Variants in CENPV observed in about 807,000 individuals in gnomAD.
CENPV encodes the protein centromere protein V.
CENPV carries 15 observed loss-of-function variants against 26.4 expected under a neutral mutation model. That is an observed-to-expected ratio of 0.57 (90% confidence interval 0.38 to 0.88). The LOEUF is 0.88. Among genes scored for constraint, CENPV ranks in the 40% least tolerant of loss-of-function variants. The pLI is 0.00. For synonymous variants in CENPV, 172 were observed against 165.5 expected (o/e 1.04, Z -0.30); for missense variants, 336 against 376.5 (o/e 0.89, Z 0.89).
chr17:16,349,401 G>A, intron 2 of CENPV: 1 of 986,122 alleles, frequency 1.0e-6, no homozygotes, highest in Non-Finnish European at 1.2e-6. Context: ...CCCAAAGCCA[G>A]AGCCTGTCGT....
intron 3 of CENPV, among the ~76,000 whole-genome samples, chr17:16,345,261 CAA>C (rs1180328905): frequency 9.5e-4 from 43 of 45,314 alleles, no homozygotes; most frequent in African/African-American, 3.0e-3. Context: ...GACTCCGTCT[CAA>C]AAAAAAAAAA....
At chr17:16,347,600 T>G (rs959539358) in intron 3 of CENPV, 1 of 152,124 alleles carries the variant, frequency 6.6e-6, no homozygotes, top group African/African-American at 2.4e-5. Flanking sequence ...CTAAGAGAAT[T>G]GATCCTAAAG....
Position 16,353,363 on chromosome 17 carries a change from GC to G in CENPV, c.73del (p.Ala25ArgfsTer39). ...QKRSGASAAP[A>X]ASAAAALAPS... ...TGCCAAGGCAGCGGCCGCGGAGGCC[GC>G]GGGGGCCGCGGAGGCCCCGGACCGC... On this transcript the variant is annotated frameshift_variant, in exon 1 of 5. Coordinates refer to ENST00000299736, the MANE Select transcript of CENPV (RefSeq NM_181716.3). LOFTEE classifies it high-confidence loss of function. The G allele has an allele frequency of 8.1e-7, 1 of 1,237,118 alleles. No individual in the cohort carries two copies. Among genetic ancestry groups the G allele is most frequent in the South Asian group, 2.7e-5 (1 of 36,906 alleles). 76.6% of individuals were successfully genotyped at this position (1,237,118 alleles called of 1,614,324 possible). A position where few individuals can be genotyped will look rare whatever the true frequency, so the allele number is the denominator to read the frequency against.
chr17:16,342,816 C>T lies in CENPV; in HGVS notation c.*1G>A. 6.2e-7 allele frequency: 1 copy of T among 1,614,056 alleles called. No homozygotes were observed. Among genetic ancestry groups the T allele is most frequent in the South Asian group, 1.1e-5 (1 of 91,072 alleles). On this transcript the variant is annotated 3_prime_UTR_variant, in exon 5 of 5. Transcript: ENST00000299736. Reference sequence around the variant, plus strand: ...CTTTTCAGGGCAGGAGAGGCAGAAGCTCACTCTTTAGACATGTTCTTGATG... The same window carrying T: ...CTTTTCAGGGCAGGAGAGGCAGAAGTTCACTCTTTAGACATGTTCTTGATG...
At chr17:16,350,864 A>G (rs2093225810) in intron 1 of CENPV, 1 of 151,978 alleles carries the variant, frequency 6.6e-6, no homozygotes, top group Non-Finnish European at 1.5e-5. Context: ...AGGCTCTTAT[A>G]TTTTTGCTCT....
At chr17:16,348,226 G>GGTGGTT in intron 3 of CENPV, 1 of 156,874 alleles carries the variant, frequency 6.4e-6, no homozygotes, top group Non-Finnish European at 1.4e-5. Flanking sequence ...GTGTGATCTC[G>GGTGGTT]GCTCACTGCA....
chr17:16,344,479 A>C (rs1032127846), intron 4 of CENPV, 118 bp downstream of exon 4: 3 of 487,378 alleles, frequency 6.2e-6, no homozygotes, highest in Non-Finnish European at 1.1e-5. Flanking sequence ...CTGTTCCTCT[A>C]AGATACGCAT....
chr17:16,353,384 GACC>G lies in CENPV; in HGVS notation c.50_52del (p.Arg17_Ser18delinsPro). 5 of 1,223,736 alleles carry G rather than the reference GACC, an allele frequency of 4.1e-6. No homozygotes were observed. In the East Asian group the frequency reaches 1.4e-4, roughly 35 times the overall value. 75.8% of individuals were successfully genotyped at this position (1,223,736 alleles called of 1,614,324 possible). A position where few individuals can be genotyped will look rare whatever the true frequency, so the allele number is the denominator to read the frequency against. The stretch of plus-strand genomic sequence containing the variant: ...GGCCGCGGGGGCCGCGGAGGCCCCG[GACC>G]GCTTCTGCCCGCGCAGCTTGGCGGC... On this transcript the variant is annotated inframe_deletion, in exon 1 of 5. Coordinates refer to ENST00000299736, the MANE Select transcript of CENPV (RefSeq NM_181716.3).
intron 1 of CENPV, chr17:16,350,946 T>C (rs2093226287): frequency 6.6e-6 from 1 of 152,102 alleles, no homozygotes; most frequent in Non-Finnish European, 1.5e-5. Context: ...AATTTTTTTT[T>C]TTTGAGAGGG....
intron 4 of CENPV, 56 bp from the exon 5 acceptor site, chr17:16,342,997 G>A: frequency 6.2e-7 from 1 of 1,605,118 alleles, no homozygotes; most frequent in East Asian, 2.2e-5. Context: ...AGACCAGATG[G>A]TGTACCGGCT....
chr17:16,345,910 A>AT (rs2093204576), intron 3 of CENPV, among the ~76,000 whole-genome samples: 1 of 152,226 alleles, frequency 6.6e-6, no homozygotes, highest in African/African-American at 2.4e-5. Flanking sequence ...CAGGAAAAAA[A>AT]TATTTGCCAG....
chr17:16,344,764 T>C, intron 3 of CENPV, 53 bp from the exon 4 acceptor site: 1 of 953,950 alleles, frequency 1.0e-6, no homozygotes, highest in Non-Finnish European at 1.5e-6. Context: ...TTTATTTATT[T>C]AATTTATTTA....
chr17:16,348,354 A>C, intron 3 of CENPV: 1 of 635,940 alleles, frequency 1.6e-6, no homozygotes, highest in Non-Finnish European at 2.2e-6. Flanking sequence ...ATAGGGTTTC[A>C]CCATGTTGGC....
At chr17:16,348,793 C>A in intron 2 of CENPV, 108 bp from the exon 3 acceptor site, 1 of 1,545,638 alleles carries the variant, frequency 6.5e-7, no homozygotes, top group South Asian at 1.2e-5. Context: ...ATGCCCCTTT[C>A]AGCACCATCC....
Position 16,353,338 on chromosome 17 carries a change from T to C in CENPV, c.99A>G (p.Ala33=), listed in dbSNP as rs984829824. ...AGCGCCGTGTGCGGGTGGCGCTGGG[T>C]GCCAAGGCAGCGGCCGCGGAGGCCG... ...APAASAAAAL[A]PSATRTRRSA... Residue 33 remains alanine, a synonymous_variant, in exon 1 of 5, where the codon GCA becomes GCG. Coordinates refer to ENST00000299736, the MANE Select transcript of CENPV (RefSeq NM_181716.3). 36 of 1,339,586 alleles carry C rather than the reference T, an allele frequency of 2.7e-5. 1 individual carries two copies. The highest frequency in any genetic ancestry group is 2.2e-4 in the African/African-American group (14 of 64,288). 83.0% of individuals were successfully genotyped at this position (1,339,586 alleles called of 1,614,324 possible). A position where few individuals can be genotyped will look rare whatever the true frequency, so the allele number is the denominator to read the frequency against.
chr17:16,342,581 A>G lies in CENPV; in HGVS notation c.*236T>C, dbSNP rs924498232. On this transcript the variant is annotated 3_prime_UTR_variant, in exon 5 of 5. Coordinates refer to ENST00000299736, the MANE Select transcript of CENPV (RefSeq NM_181716.3). Reference sequence around the variant, plus strand: ...ATTTTTTTTCCTAAAAGATCACACAAAAGTTGGGAAGAGAAGGATGTCAAT... The same window carrying G: ...ATTTTTTTTCCTAAAAGATCACACAGAAGTTGGGAAGAGAAGGATGTCAAT... The G allele has an allele frequency of 1.9e-6, 1 of 531,824 alleles. No homozygotes were observed. The highest frequency in any genetic ancestry group is 3.3e-6 in the Non-Finnish European group (1 of 298,808). 32.9% of individuals were successfully genotyped at this position (531,824 alleles called of 1,614,324 possible). A position where few individuals can be genotyped will look rare whatever the true frequency, so the allele number is the denominator to read the frequency against.
Position 16,353,367 on chromosome 17 carries a change from G to A in CENPV, c.70C>T (p.Pro24Ser), listed in dbSNP as rs188652843. 83 of 769,680 alleles carry A rather than the reference G, an allele frequency of 1.1e-4. No homozygotes were observed. The highest frequency in any genetic ancestry group is 4.3e-4 in the Middle Eastern group (1 of 2,350). The allele number at this position is 769,680 out of a possible 1,614,324, so 47.7% of individuals were successfully genotyped here. A position where few individuals can be genotyped will look rare whatever the true frequency, so the allele number is the denominator to read the frequency against. Residue 24 changes from proline (P) to serine (S), a missense_variant, in exon 1 of 5, where the codon CCC becomes TCC. Physicochemically the swap from Pro to Ser is moderately conservative, Grantham distance 74. This residue lies in a region of CENPV where 181 missense variants were observed against 148.8 expected (regional missense o/e 1.22). Transcript: ENST00000299736. The stretch of plus-strand genomic sequence containing the variant: ...AAGGCAGCGGCCGCGGAGGCCGCGG[G>A]GGCCGCGGAGGCCCCGGACCGCTTC... ...GQKRSGASAA[P>S]AASAAAALAP...
intron 1 of CENPV, among the ~76,000 whole-genome samples, chr17:16,352,150 T>A (rs942439853): frequency 2.0e-5 from 3 of 152,246 alleles, no homozygotes; most frequent in Non-Finnish European, 4.4e-5. Context: ...GTTTTGATTG[T>A]TCTTTTTAAT....
At position 16,348,554 on chromosome 17, in the gene CENPV, G is replaced by A. The variant is rs545256555; in HGVS notation, c.579+62C>T. ...CAGACGGCATGCTAACAGTTGGGTG[G>A]GGGGTCCTGTAAATCTCACCAATGG... On this transcript the variant is annotated intron_variant, in intron 3 of 4. Coordinates refer to ENST00000299736, the MANE Select transcript of CENPV (RefSeq NM_181716.3). 5.4e-5 allele frequency: 87 copies of A among 1,604,756 alleles called. No homozygotes were observed. In the African/African-American group the frequency reaches 1.0e-3, roughly 19 times the overall value.
Sources: gnomAD v4.1 joint callset for allele counts (sites outside exome capture counted in the v4.1 genomes callset) on GRCh38, gnomAD v4.1.1 for gene constraint, gnomAD v4.1.1 regional missense constraint, MANE v1.5 for transcripts, NCBI Gene and HGNC (gene_info 2026-07-23, HGNC 2026-07-21) for gene names.